PCDH9: variants seen among roughly 807,000 people sequenced by gnomAD.
The protein encoded by PCDH9 is protocadherin 9.
PCDH9 carries 24 observed loss-of-function variants against 70.6 expected under a neutral mutation model. That is an observed-to-expected ratio of 0.34 (90% confidence interval 0.25 to 0.48). PCDH9 has a LOEUF of 0.48. Ranked by LOEUF, PCDH9 falls within the 20% of genes least tolerant of loss-of-function variation. The pLI is 0.99. For missense variants in PCDH9, 1,281 were observed against 1,503.6 expected (o/e 0.85, Z 2.45); for synonymous variants, 562 against 558.5 (o/e 1.01, Z -0.09).
At chr13:66,438,993 G>T (rs766995216) in intron 4 of PCDH9, among the ~76,000 whole-genome samples, 89 of 152,148 alleles carry the variant, frequency 5.8e-4, no homozygotes, top group Non-Finnish European at 1.1e-3. Flanking sequence ...GGCAGTCTGA[G>T]CTTAGTCAAA....
intron 2 of PCDH9, among the ~76,000 whole-genome samples, chr13:67,037,827 T>C (rs1333886361): frequency 6.6e-6 from 1 of 152,178 alleles, no homozygotes; most frequent in Non-Finnish European, 1.5e-5. Context: ...CTGCCATACT[T>C]CAGTATCTCA....
intron 4 of PCDH9, among the ~76,000 whole-genome samples, chr13:66,366,456 T>A (rs1174833149): frequency 6.6e-6 from 1 of 152,052 alleles, no homozygotes; most frequent in Non-Finnish European, 1.5e-5. Context: ...TCAGACTCCA[T>A]CTTTCCTTTA....
chr13:66,852,404 C>G (rs2081328655), intron 3 of PCDH9, among the ~76,000 whole-genome samples: 1 of 152,122 alleles, frequency 6.6e-6, no homozygotes. Flanking sequence ...TAGTTTCTCT[C>G]TTCCTATTCT....
At chr13:67,175,731 T>C (rs1429399275) in intron 2 of PCDH9, among the ~76,000 whole-genome samples, 2 of 152,164 alleles carry the variant, frequency 1.3e-5, no homozygotes, top group Non-Finnish European at 2.9e-5. Flanking sequence ...AGATAGAATA[T>C]AGTTATTTCT....
chr13:66,713,298 A>G (rs1295226212), intron 3 of PCDH9, among the ~76,000 whole-genome samples: 2 of 152,086 alleles, frequency 1.3e-5, no homozygotes, highest in Non-Finnish European at 2.9e-5. Flanking sequence ...CACAATGCTT[A>G]TGTTTCATAT....
intron 3 of PCDH9, among the ~76,000 whole-genome samples, chr13:66,789,525 C>A (rs2080131238): frequency 6.6e-6 from 1 of 151,676 alleles, no homozygotes. Flanking sequence ...TTTTTTCCAG[C>A]TAGGAACATT....
intron 4 of PCDH9, among the ~76,000 whole-genome samples, chr13:66,585,197 A>G (rs1418540858): frequency 6.6e-6 from 1 of 152,146 alleles, no homozygotes; most frequent in East Asian, 1.9e-4. Context: ...TATTTATTTT[A>G]TTAAATGCAT....
chr13:66,863,431 G>A (rs937503595), intron 3 of PCDH9, among the ~76,000 whole-genome samples: 8 of 152,068 alleles, frequency 5.3e-5, no homozygotes, highest in Admixed American at 2.6e-4. Flanking sequence ...TAAATAAAAC[G>A]TATGATTAAG....
chr13:66,647,395 C>T (rs150785329), intron 3 of PCDH9, among the ~76,000 whole-genome samples: 1 of 152,158 alleles, frequency 6.6e-6, no homozygotes, highest in East Asian at 1.9e-4. Flanking sequence ...AGTCTTGAGG[C>T]CCCCAATCCA....
chr13:66,901,307 A>G (rs993900487), intron 3 of PCDH9, among the ~76,000 whole-genome samples: 2 of 151,774 alleles, frequency 1.3e-5, no homozygotes, highest in African/African-American at 4.8e-5. Context: ...AAACTTCTTG[A>G]AACAGTCCCT....
At chr13:66,622,649 T>C (rs376245171) in intron 4 of PCDH9, among the ~76,000 whole-genome samples, 5 of 152,132 alleles carry the variant, frequency 3.3e-5, no homozygotes, top group African/African-American at 1.2e-4. Context: ...GTGGAGAACC[T>C]TTGTGTGTAG....
intron 3 of PCDH9, among the ~76,000 whole-genome samples, chr13:66,806,183 C>T (rs1042654111): frequency 6.6e-6 from 1 of 151,996 alleles, no homozygotes; most frequent in African/African-American, 2.4e-5. Context: ...AAAAATATGT[C>T]AAAACTTATT....
intron 4 of PCDH9, among the ~76,000 whole-genome samples, chr13:66,606,734 T>A (rs2077226800): frequency 6.6e-6 from 1 of 152,134 alleles, no homozygotes; most frequent in East Asian, 1.9e-4. Context: ...AAACTGGCAA[T>A]CCCAACTGCT....
chr13:66,507,895 G>T (rs1959261771), intron 4 of PCDH9, among the ~76,000 whole-genome samples: 1 of 151,970 alleles, frequency 6.6e-6, no homozygotes, highest in African/African-American at 2.4e-5. Context: ...CTAATTTTTT[G>T]TATTTTTAGT....
intron 2 of PCDH9, among the ~76,000 whole-genome samples, chr13:67,016,402 C>A (rs952439543): frequency 6.6e-6 from 1 of 152,212 alleles, no homozygotes; most frequent in Admixed American, 6.6e-5. Flanking sequence ...GAGATAATGT[C>A]CGTAAAACAG....
chr13:66,598,985 C>A (rs2138839273), intron 4 of PCDH9, among the ~76,000 whole-genome samples: 1 of 151,824 alleles, frequency 6.6e-6, no homozygotes, highest in East Asian at 1.9e-4. Context: ...TTAGAGCTGC[C>A]CTTGTAACAA....
chr13:66,807,175 A>G (rs1312312949), intron 3 of PCDH9, among the ~76,000 whole-genome samples: 1 of 152,194 alleles, frequency 6.6e-6, no homozygotes, highest in Non-Finnish European at 1.5e-5. Context: ...CAAATATACT[A>G]CAACTTACAG....
chr13:66,847,987 A>G (rs534133182), intron 3 of PCDH9, among the ~76,000 whole-genome samples: 2 of 152,276 alleles, frequency 1.3e-5, no homozygotes, highest in African/African-American at 4.8e-5. Flanking sequence ...CATTATGATT[A>G]TTTGTGTATT....
At chr13:66,892,368 T>C (rs2082110977) in intron 3 of PCDH9, among the ~76,000 whole-genome samples, 1 of 151,614 alleles carries the variant, frequency 6.6e-6, no homozygotes, top group Non-Finnish European at 1.5e-5. Flanking sequence ...ATGTCCATAA[T>C]AAGATGTCCA....
Sources: allele counts gnomAD v4.1 joint callset (sites outside exome capture counted in the v4.1 genomes callset), GRCh38; gene constraint gnomAD v4.1.1; transcripts MANE v1.5; gene names NCBI Gene and HGNC (gene_info 2026-07-23, HGNC 2026-07-21).